LAMA2: variants seen among roughly 807,000 people sequenced by gnomAD.
The protein encoded by LAMA2 is laminin subunit alpha 2, also known as laminin subunit alpha-2.
A neutral mutation model predicts 364.8 loss-of-function variants in LAMA2; 269 were observed. The ratio of observed to expected loss-of-function variants is 0.74; its 90% CI spans 0.67 to 0.82. LAMA2 has a LOEUF of 0.82. LAMA2 is among the 40% of genes least tolerant of loss of function. The pLI is 0.00. For synonymous variants in LAMA2, 1,379 were observed against 1,370.6 expected, an observed-to-expected ratio of 1.01 and a Z score of -0.14; for missense variants, 3,807 against 3,873.2, an observed-to-expected ratio of 0.98 and a Z score of 0.45.
chr6:129,317,474 T>A (rs1774684705), intron 27 of LAMA2, among the ~76,000 whole-genome samples: 2 of 152,298 alleles, frequency 1.3e-5, no homozygotes, highest in South Asian at 4.1e-4. Flanking sequence ...AATGCTTTTC[T>A]GATTGATGTA....
chr6:128,987,633 G>A (rs999067513), intron 1 of LAMA2, among the ~76,000 whole-genome samples: 3 of 152,160 alleles, frequency 2.0e-5, no homozygotes, highest in Non-Finnish European at 4.4e-5. Flanking sequence ...GCTTTGTGGG[G>A]ATATGTCTGG....
chr6:129,306,313 CTTTTTT>C (rs11315443), intron 22 of LAMA2, among the ~76,000 whole-genome samples: 1 of 70,416 alleles, frequency 1.4e-5, no homozygotes, highest in African/African-American at 5.3e-5. Flanking sequence ...TAATTTTTTC[CTTTTTT>C]TTTTTTTTTT....
In LAMA2 at chr6:129,391,567, G is replaced by T. The variant is rs775297974; in HGVS notation, c.5148G>T (p.Gly1716=). 6.2e-7 allele frequency: 1 copy of T among 1,613,674 alleles called. No homozygotes were observed. The highest frequency in any genetic ancestry group is 8.5e-7 in the Non-Finnish European group (1 of 1,179,648). ...RDEAFERNLE[G]LQKEIDQMIK... is the part of the protein sequence containing the mutation. ...AGGCCTTTGAGAGAAATTTGGAAGG[G>T]CTTCAGAAAGAGATTGACCAGATGA... The change falls in exon 36 of 65, where the codon GGG becomes GGT. Residue 1716 remains glycine (G), a synonymous_variant. Transcript: ENST00000421865.
intron 1 of LAMA2, among the ~76,000 whole-genome samples, chr6:128,967,804 A>G (rs1582790275): frequency 6.6e-6 from 1 of 152,098 alleles, no homozygotes; most frequent in South Asian, 2.1e-4. Context: ...GATTATTTCT[A>G]TTAATTACAC....
rs74356832 is a variant in LAMA2 at position 129,258,445 on chromosome 6, A to G, written c.2097-2266A>G. 5.9e-3 allele frequency among the ~76,000 whole-genome samples: 896 copies of G among 152,168 alleles called. 5 individuals are homozygous for G. Among genetic ancestry groups the G allele is most frequent in the African/African-American group, 0.021 (860 of 41,542 alleles). ...TGAAATACTGATACATGCTGCAATG[A>G]AGTTATCTAGAATAGGTAACTTCAT... is the stretch of plus-strand genomic sequence containing the variant. On this transcript the variant is annotated intron_variant, in intron 14 of 64. Transcript: ENST00000421865.
intron 54 of LAMA2, among the ~76,000 whole-genome samples, chr6:129,480,833 A>T (rs1301088148): frequency 6.6e-6 from 1 of 152,202 alleles, no homozygotes; most frequent in Non-Finnish European, 1.5e-5. Flanking sequence ...TGTAAAACAT[A>T]AACAATTAAG....
chr6:129,211,294 G>A (rs1045068380), intron 12 of LAMA2, among the ~76,000 whole-genome samples: 2 of 152,112 alleles, frequency 1.3e-5, no homozygotes, highest in Non-Finnish European at 2.9e-5. Context: ...TCAGAGCAAA[G>A]CAACTAGAAT....
intron 38 of LAMA2, 45 bp from the exon 39 acceptor site, chr6:129,402,279 G>T: frequency 6.7e-7 from 1 of 1,492,894 alleles, no homozygotes; most frequent in Non-Finnish European, 9.3e-7. Context: ...AAAGAGAGGA[G>T]GCTTGAATTC....
At chr6:128,923,669 C>T (rs1353598274) in intron 1 of LAMA2, among the ~76,000 whole-genome samples, 1 of 152,058 alleles carries the variant, frequency 6.6e-6, no homozygotes, top group East Asian at 1.9e-4. Flanking sequence ...ACTGCTAATT[C>T]CTATAAGAAC....
intron 35 of LAMA2, among the ~76,000 whole-genome samples, chr6:129,389,006 C>T (rs916647449): frequency 5.7e-4 from 86 of 152,142 alleles, no homozygotes; most frequent in Non-Finnish European, 1.1e-3. Context: ...AGCTTTCAAA[C>T]TAATCAGCCT....
chr6:129,160,223 C>T (rs995891410), intron 8 of LAMA2, among the ~76,000 whole-genome samples: 5 of 151,988 alleles, frequency 3.3e-5, no homozygotes, highest in African/African-American at 1.2e-4. Context: ...CTATCTGAGT[C>T]TCTAGTTTTC....
chr6:129,321,383 C>T (rs1298009030), intron 28 of LAMA2, among the ~76,000 whole-genome samples: 1 of 152,148 alleles, frequency 6.6e-6, no homozygotes, highest in East Asian at 1.9e-4. Context: ...GGTGCTACAC[C>T]TCTTTAGGCT....
At chr6:129,098,635 G>A (rs1011293748) in intron 4 of LAMA2, among the ~76,000 whole-genome samples, 2 of 152,144 alleles carry the variant, frequency 1.3e-5, no homozygotes, top group Admixed American at 1.3e-4. Flanking sequence ...TCAGAGAAGA[G>A]GAAATAGGTT....
In LAMA2 at chr6:129,497,791, G is replaced by T. The variant is rs139804742; in HGVS notation, c.8245-4868G>T. Among the ~76,000 whole-genome samples the T allele has an allele frequency of 4.6e-5, 7 of 152,274 alleles. No individual in the cohort carries two copies. The East Asian group carries it at 1.2e-3, about 25-fold the overall frequency. Reference sequence around the variant, plus strand: ...TGAGAAAGCCCTGCCTTGTGAAATGGATTATGTCAATCTTATGATTAATTC... The same window carrying T: ...TGAGAAAGCCCTGCCTTGTGAAATGTATTATGTCAATCTTATGATTAATTC... On this transcript the variant is annotated intron_variant, in intron 58 of 64. Coordinates refer to ENST00000421865, the MANE Select transcript of LAMA2 (RefSeq NM_000426.4).
chr6:129,046,247 G>A (rs1341884299), intron 1 of LAMA2, among the ~76,000 whole-genome samples: 1 of 152,144 alleles, frequency 6.6e-6, no homozygotes, highest in Non-Finnish European at 1.5e-5. Flanking sequence ...ATGTTAATAT[G>A]TAAGTGCACC....
intron 51 of LAMA2, among the ~76,000 whole-genome samples, chr6:129,471,527 C>T (rs1257260083): frequency 1.3e-5 from 2 of 151,864 alleles, no homozygotes; most frequent in African/African-American, 4.8e-5. Context: ...CATTAAAATA[C>T]CCACCAAGTC....
At chr6:129,196,862 G>T (rs1781881347) in intron 12 of LAMA2, among the ~76,000 whole-genome samples, 1 of 152,136 alleles carries the variant, frequency 6.6e-6, no homozygotes, top group African/African-American at 2.4e-5. Flanking sequence ...GAATGAATTT[G>T]TAAACCAAAA....
At chr6:129,015,267 G>T (rs576547342) in intron 1 of LAMA2, among the ~76,000 whole-genome samples, 1 of 152,118 alleles carries the variant, frequency 6.6e-6, no homozygotes, top group African/African-American at 2.4e-5. Context: ...ATCAATGTCT[G>T]CTCTGAGATC....
intron 15 of LAMA2, among the ~76,000 whole-genome samples, chr6:129,261,519 C>T (rs1787131437): frequency 6.6e-6 from 1 of 152,084 alleles, no homozygotes; most frequent in South Asian, 2.1e-4. Flanking sequence ...ACTGGTTTTA[C>T]TTGAAACCTG....
Sources: gnomAD v4.1 joint callset for allele counts (sites outside exome capture counted in the v4.1 genomes callset) on GRCh38, gnomAD v4.1.1 for gene constraint, MANE v1.5 for transcripts, NCBI Gene and HGNC (gene_info 2026-07-23, HGNC 2026-07-21) for gene names.